OR51B5: variants seen among roughly 807,000 people sequenced by gnomAD.
The protein encoded by OR51B5 is olfactory receptor 51B5.
For missense variants in OR51B5, 456 were observed against 374.6 expected (o/e 1.22, Z -1.79); for synonymous variants, 186 against 144.8 (o/e 1.28, Z -2.04).
Position 5,429,927 on chromosome 11 carries a change from AGTTGAG to A in OR51B5, n.84+75636_84+75641del, listed in dbSNP as rs1480064901. Among the ~76,000 whole-genome samples the A allele has an allele frequency of 1.3e-4, 20 of 152,288 alleles. No homozygotes were observed. The South Asian group carries it at 3.1e-3, about 24-fold the overall frequency. On this transcript the variant is annotated intron_variant and non_coding_transcript_variant, in intron 1 of 4. Coordinates refer to the OR51B5 transcript ENST00000415970. ...TTGTTCATATTTTATTTCATGCTTC[AGTTGAG>A]GTCTTTTGGTCAGCTGTTCATTCTC...
chr11:5,415,569 T>G (rs1469483175), intron 1 of OR51B5, among the ~76,000 whole-genome samples: 1 of 151,762 alleles, frequency 6.6e-6, no homozygotes, highest in Non-Finnish European at 1.5e-5. Flanking sequence ...ATCAAATAGA[T>G]GCAATGAAAA....
chr11:5,366,772 T>C (rs1051507727), intron 1 of OR51B5, among the ~76,000 whole-genome samples: 1 of 152,194 alleles, frequency 6.6e-6, no homozygotes, highest in South Asian at 2.1e-4. Context: ...AGATTCAAAG[T>C]CTTTAGAATA....
At chr11:5,443,608 C>T (rs1175734047) in intron 1 of OR51B5, among the ~76,000 whole-genome samples, 8 of 152,018 alleles carry the variant, frequency 5.3e-5, no homozygotes, top group African/African-American at 1.9e-4. Flanking sequence ...TAGGTTTACC[C>T]CCGTCTGTAA....
intron 1 of OR51B5, among the ~76,000 whole-genome samples, chr11:5,369,556 A>C (rs912144428): frequency 1.3e-5 from 2 of 152,142 alleles, no homozygotes; most frequent in African/African-American, 4.8e-5. Flanking sequence ...TCACTATCCT[A>C]AATATGTCTA....
At chr11:5,370,014 A>C (rs1055723078) in intron 1 of OR51B5, among the ~76,000 whole-genome samples, 2 of 152,134 alleles carry the variant, frequency 1.3e-5, no homozygotes, top group Admixed American at 1.3e-4. Flanking sequence ...AAGATCTTCA[A>C]ACCTCCCTCT....
chr11:5,409,273 C>T (rs1850107277), intron 1 of OR51B5, among the ~76,000 whole-genome samples: 1 of 152,062 alleles, frequency 6.6e-6, no homozygotes, highest in African/African-American at 2.4e-5. Context: ...TTTTCTTTCC[C>T]TGGAGGCATA....
chr11:5,500,689 A>G (rs986082339), intron 1 of OR51B5, among the ~76,000 whole-genome samples: 2 of 148,194 alleles, frequency 1.3e-5, no homozygotes, highest in African/African-American at 2.4e-5. Flanking sequence ...TGTCACTTCT[A>G]TGAAGACCCA....
chr11:5,379,215 A>T (rs1043523893), intron 1 of OR51B5, among the ~76,000 whole-genome samples: 7 of 152,094 alleles, frequency 4.6e-5, no homozygotes, highest in Non-Finnish European at 8.8e-5. Flanking sequence ...GCAAGGACAA[A>T]AAACCAAACA....
chr11:5,464,396 T>C (rs1396851089), intron 1 of OR51B5, among the ~76,000 whole-genome samples: 2 of 152,044 alleles, frequency 1.3e-5, no homozygotes, highest in East Asian at 3.9e-4. Context: ...CACTAACTCG[T>C]CATCTAGCGT....
chr11:5,362,284 G>C (rs529225135), intron 1 of OR51B5, among the ~76,000 whole-genome samples: 37 of 152,272 alleles, frequency 2.4e-4, no homozygotes, highest in African/African-American at 8.4e-4. Flanking sequence ...TTACCAGCAG[G>C]GGAAACTACC....
At chr11:5,440,597 G>A (rs773520667) in intron 1 of OR51B5, 1 of 1,613,426 alleles carries the variant, frequency 6.2e-7, no homozygotes, top group East Asian at 2.2e-5. Flanking sequence ...GGAAGAACTT[G>A]AGAATCCCTT....
intron 1 of OR51B5, chr11:5,431,352 T>C (rs756683278): frequency 6.8e-5 from 20 of 295,936 alleles, no homozygotes; most frequent in African/African-American, 1.1e-4. Context: ...AAAGAATGCC[T>C]GTAACAGTAG....
chr11:5,405,231 T>G (rs1223195551), intron 1 of OR51B5, among the ~76,000 whole-genome samples: 2 of 152,204 alleles, frequency 1.3e-5, no homozygotes, highest in African/African-American at 4.8e-5. Context: ...AGAAATAGGA[T>G]TAATGTAATT....
At chr11:5,505,247 T>G in intron 1 of OR51B5, 1 of 1,165,996 alleles carries the variant, frequency 8.6e-7, no homozygotes, top group African/African-American at 1.6e-5. Flanking sequence ...ACATTGCTAT[T>G]AGGTTTTTTG....
At chr11:5,343,485 C>G in exon 1 of OR51B5, 1 of 1,380,184 alleles carries the variant, frequency 7.2e-7, no homozygotes, top group Admixed American at 1.7e-5. Context: ...CCTGGAAAAC[C>G]AGTCAATAGG....
chr11:5,398,843 C>A (rs949013322), intron 1 of OR51B5, among the ~76,000 whole-genome samples: 2 of 152,150 alleles, frequency 1.3e-5, no homozygotes, highest in Non-Finnish European at 2.9e-5. Flanking sequence ...CCTGAGGCCT[C>A]CCCAGCTATG....
chr11:5,348,608 T>C (rs909376164), intron 1 of OR51B5, among the ~76,000 whole-genome samples: 1 of 152,132 alleles, frequency 6.6e-6, no homozygotes, highest in Non-Finnish European at 1.5e-5. Flanking sequence ...TGTGTGACTT[T>C]AGCACCTGGA....
intron 1 of OR51B5, among the ~76,000 whole-genome samples, chr11:5,389,080 A>G (rs1184938416): frequency 6.6e-6 from 1 of 152,222 alleles, no homozygotes; most frequent in Non-Finnish European, 1.5e-5. Context: ...AGTGGATGAC[A>G]TTAAGAAGAA....
In OR51B5 at chr11:5,352,233, T is replaced by G. The variant is rs1849105882; in HGVS notation, n.85-5323A>C. Reference sequence around the variant, plus strand: ...AGGCCCTCAACACATGTGTCTCTCATATCTGCTGCATCCTGGTCTTCTATG... The same window carrying G: ...AGGCCCTCAACACATGTGTCTCTCAGATCTGCTGCATCCTGGTCTTCTATG... On this transcript the variant is annotated intron_variant and non_coding_transcript_variant, in intron 1 of 4. Transcript: ENST00000415970. The G allele has an allele frequency of 2.5e-6, 4 of 1,614,058 alleles. 1 individual carries two copies. The South Asian group carries it at 4.4e-5, about 18-fold the overall frequency.
Sources: allele counts gnomAD v4.1 joint callset (sites outside exome capture counted in the v4.1 genomes callset), GRCh38; gene constraint gnomAD v4.1.1; transcripts MANE v1.5; gene names NCBI Gene and HGNC (gene_info 2026-07-23, HGNC 2026-07-21).